SLC2A9: variants seen among roughly 807,000 people sequenced by gnomAD.
SLC2A9 encodes the protein solute carrier family 2 member 9, also known as solute carrier family 2, facilitated glucose transporter member 9.
SLC2A9 carries 39 observed loss-of-function variants against 50.6 expected under a neutral mutation model. That is an observed-to-expected ratio of 0.77 (90% CI 0.60 to 1.01). SLC2A9 has a LOEUF of 1.01. SLC2A9 is among the 50% of genes least tolerant of loss of function. SLC2A9 has a pLI of 0.00. For missense variants in SLC2A9, 686 were observed against 677.6 expected (o/e 1.01, Z -0.14); for synonymous variants, 324 against 276.9 (o/e 1.17, Z -1.69).
intron 5 of SLC2A9, among the ~76,000 whole-genome samples, chr4:9,944,820 G>C (rs951344565): frequency 4.6e-5 from 7 of 152,334 alleles, no homozygotes; most frequent in Non-Finnish European, 8.8e-5. Flanking sequence ...AGTTAGGAGA[G>C]ATTATTCCCC....
chr4:9,872,312 C>T lies in SLC2A9; in HGVS notation c.1291+15255G>A, dbSNP rs1733572011. ...GGGATGTGGTACCTCTGTGTCCTGG[C>T]CAGGAATGAGGGCTCAGAAATGCCA... On this transcript the variant is annotated intron_variant, in intron 10 of 11. Transcript: ENST00000264784. 2.0e-5 allele frequency among the ~76,000 whole-genome samples: 3 copies of T among 152,208 alleles called. No individual in the cohort carries two copies. In the South Asian group the frequency reaches 6.2e-4, roughly 32 times the overall value.
chr4:9,942,038 G>C lies in SLC2A9; in HGVS notation c.689C>G (p.Thr230Ser). ...GLPELLGKES[T>S]WPYLFGVIVV... is the part of the protein sequence containing the mutation. Reference sequence around the variant, plus strand: ...AATCACTCCAAACAGGTATGGCCAGGTACTCTCCTGTGGGAGAAGGAGATG... The same window carrying C: ...AATCACTCCAAACAGGTATGGCCAGCTACTCTCCTGTGGGAGAAGGAGATG... The change falls in exon 6 of 12, where the codon ACC becomes AGC. Residue 230 changes from threonine (T) to serine (S), a missense_variant. Transcript: ENST00000264784. The C allele has an allele frequency of 1.2e-6, 2 of 1,614,080 alleles. No homozygotes were observed. Among genetic ancestry groups the C allele is most frequent in the Non-Finnish European group, 1.7e-6 (2 of 1,179,964 alleles).
chr4:10,035,255 G>C (rs1764062638), intron 1 of SLC2A9: 1 of 152,172 alleles, frequency 6.6e-6, no homozygotes, highest in African/African-American at 2.4e-5. Context: ...TTGTACCATT[G>C]GGTACAAAGA....
At chr4:9,836,881 G>A (rs1336463267) in intron 10 of SLC2A9, among the ~76,000 whole-genome samples, 3 of 152,160 alleles carry the variant, frequency 2.0e-5, no homozygotes, top group Admixed American at 2.0e-4. Flanking sequence ...GGAGACAATT[G>A]CTCCATTGAG....
chr4:9,912,143 G>T (rs1274601158), intron 7 of SLC2A9, among the ~76,000 whole-genome samples: 5 of 152,208 alleles, frequency 3.3e-5, no homozygotes, highest in Admixed American at 2.0e-4. Flanking sequence ...ACTGTTCTGG[G>T]GTGGGGGGAG....
chr4:9,950,438 A>G (rs1750011138), intron 5 of SLC2A9, among the ~76,000 whole-genome samples: 1 of 152,074 alleles, frequency 6.6e-6, no homozygotes, highest in African/African-American at 2.4e-5. Context: ...AACATTTTCT[A>G]TTTTTCAAAG....
chr4:9,779,686 T>A (rs548987804), downstream of SLC2A9: 1 of 152,230 alleles, frequency 6.6e-6, no homozygotes, highest in East Asian at 1.9e-4. Context: ...AGTGCTGGGA[T>A]TACAGGCGTG....
At chr4:9,822,849 C>G (rs1296155449), downstream of SLC2A9, among the ~76,000 whole-genome samples, 1 of 152,142 alleles carries the variant, frequency 6.6e-6, no homozygotes, top group Non-Finnish European at 1.5e-5. Flanking sequence ...CCACCCCTTT[C>G]CTGTCACTCT....
chr4:9,884,917 G>T lies in SLC2A9; in HGVS notation c.1291+2650C>A, dbSNP rs531188074. On this transcript the variant is annotated intron_variant, in intron 10 of 11. Coordinates refer to ENST00000264784, the MANE Select transcript of SLC2A9 (RefSeq NM_020041.3). ...CATTATCCTCAGCAAACTAACACAG[G>T]AACAGAAAACCAAACACCACATGTT... is the stretch of plus-strand genomic sequence containing the variant. Among the ~76,000 whole-genome samples, 25 of 152,208 alleles carry T rather than the reference G, an allele frequency of 1.6e-4. No homozygotes were observed. In the East Asian group the frequency reaches 1.9e-3, roughly 12 times the overall value.
chr4:9,935,106 T>C (rs190160472), intron 6 of SLC2A9, among the ~76,000 whole-genome samples: 321 of 152,374 alleles, frequency 2.1e-3, no homozygotes, highest in Middle Eastern at 6.8e-3. Flanking sequence ...TAAACAGTGC[T>C]GCAATAAACA....
At chr4:9,866,598 G>A (rs2109447336) in intron 10 of SLC2A9, among the ~76,000 whole-genome samples, 1 of 152,280 alleles carries the variant, frequency 6.6e-6, no homozygotes, top group South Asian at 2.1e-4. Context: ...ACTGGGGAAG[G>A]AAGATGGGGC....
intron 10 of SLC2A9, among the ~76,000 whole-genome samples, chr4:9,850,120 C>A (rs185103206): frequency 1.3e-5 from 2 of 152,008 alleles, no homozygotes; most frequent in African/African-American, 2.4e-5. Flanking sequence ...GAACCCTGCA[C>A]GGGGCTGCTG....
chr4:9,873,345 C>A (rs921873873), intron 10 of SLC2A9, among the ~76,000 whole-genome samples: 7 of 152,234 alleles, frequency 4.6e-5, no homozygotes, highest in African/African-American at 1.7e-4. Context: ...ATTCTCATCT[C>A]TTGCCTATTC....
chr4:9,905,509 G>A (rs990280489), intron 8 of SLC2A9, among the ~76,000 whole-genome samples: 1 of 152,212 alleles, frequency 6.6e-6, no homozygotes, highest in Non-Finnish European at 1.5e-5. Flanking sequence ...CTGAGACTCT[G>A]AGTTCTGATT....
At chr4:9,805,572 G>A (rs1225827209) in intron 3 of SLC2A9, among the ~76,000 whole-genome samples, 3 of 152,022 alleles carry the variant, frequency 2.0e-5, no homozygotes, top group African/African-American at 7.2e-5. Context: ...ATGGTGGCAG[G>A]TGCTTGTAGT....
intron 5 of SLC2A9, among the ~76,000 whole-genome samples, chr4:9,946,928 A>G (rs1375428098): frequency 2.0e-5 from 3 of 152,186 alleles, no homozygotes; most frequent in Non-Finnish European, 4.4e-5. Flanking sequence ...TAAAATAATA[A>G]TCAAAATCAA....
intron 3 of SLC2A9, among the ~76,000 whole-genome samples, chr4:9,989,373 C>T (rs1466516441): frequency 6.6e-6 from 1 of 152,164 alleles, no homozygotes; most frequent in African/African-American, 2.4e-5. Flanking sequence ...CTGGTCCATC[C>T]AACACCCTTC....
intron 8 of SLC2A9, among the ~76,000 whole-genome samples, chr4:9,891,025 C>A (rs1384274134): frequency 6.6e-6 from 1 of 152,186 alleles, no homozygotes; most frequent in Non-Finnish European, 1.5e-5. Flanking sequence ...ATATGGTCAC[C>A]ACAGCCCTTC....
chr4:9,870,466 G>C (rs1023237910), intron 10 of SLC2A9, among the ~76,000 whole-genome samples: 1 of 152,146 alleles, frequency 6.6e-6, no homozygotes, highest in Non-Finnish European at 1.5e-5. Context: ...CTACATTTCT[G>C]TTGAAAACCC....
Sources: allele counts gnomAD v4.1 joint callset (sites outside exome capture counted in the v4.1 genomes callset), GRCh38; gene constraint gnomAD v4.1.1; transcripts MANE v1.5; gene names NCBI Gene and HGNC (gene_info 2026-07-23, HGNC 2026-07-21).